Variants in CFAP77 observed in about 807,000 individuals in gnomAD.
CFAP77 encodes the protein cilia and flagella associated protein 77, also known as cilia- and flagella-associated protein 77.
In CFAP77, 25 loss-of-function variants were observed where a neutral mutation model predicts 31.1. That is an observed-to-expected ratio of 0.80 (90% CI 0.59 to 1.12). CFAP77 has a LOEUF of 1.12. CFAP77 is among the 50% of genes most tolerant of loss of function. CFAP77 has a pLI of 0.00. For synonymous variants in CFAP77, 151 were observed against 159.9 expected (o/e 0.94, Z 0.42); for missense variants, 377 against 397.3 (o/e 0.95, Z 0.44).
intron 1 of CFAP77, among the ~76,000 whole-genome samples, chr9:132,488,555 G>A (rs1033020080): frequency 2.6e-5 from 4 of 152,224 alleles, no homozygotes; most frequent in Non-Finnish European, 5.9e-5. Flanking sequence ...TCGTTTTGAA[G>A]AAGTTGTGCC....
Position 132,491,962 on chromosome 9 carries a change from G to C in CFAP77, c.196-6733G>C, listed in dbSNP as rs1384028906. Among the ~76,000 whole-genome samples, 7 of 152,292 alleles carry C rather than the reference G, an allele frequency of 4.6e-5. 1 individual carries two copies. The highest frequency in any genetic ancestry group is 4.6e-4 in the Admixed American group (7 of 15,296). ...TACTGTTATGTTTTCTGAAGTGATA[G>C]CTCTTCCCATAAATCTCAGTCTATA... On this transcript the variant is annotated intron_variant, in intron 1 of 5. Transcript: ENST00000393216.
At chr9:132,449,701 C>A (rs1014889299) in intron 1 of CFAP77, among the ~76,000 whole-genome samples, 70 of 152,148 alleles carry the variant, frequency 4.6e-4, no homozygotes, top group African/African-American at 1.5e-3. Context: ...TACCCAGGAA[C>A]GGGATTGTGG....
In CFAP77 at chr9:132,517,919, G is replaced by C. The variant is rs145538206; in HGVS notation, c.524+18319G>C. 3.9e-5 allele frequency among the ~76,000 whole-genome samples: 6 copies of C among 152,340 alleles called. No homozygotes were observed. Among genetic ancestry groups the C allele is most frequent in the African/African-American group, 1.4e-4 (6 of 41,578 alleles). Reference sequence around the variant, plus strand: ...GGAACTAATTTGAAGTTTCTGGGAGGCCTATCCCAAGTAGGAGCTGATTTC... The same window carrying C: ...GGAACTAATTTGAAGTTTCTGGGAGCCCTATCCCAAGTAGGAGCTGATTTC... On this transcript the variant is annotated intron_variant, in intron 3 of 5. Transcript: ENST00000393216. This position sits in a 1 kb window ranked among gnomAD's most constrained non-coding sequence, Gnocchi z 4.7.
At chr9:132,415,570 A>G (rs576274123) in intron 1 of CFAP77, among the ~76,000 whole-genome samples, 1 of 152,288 alleles carries the variant, frequency 6.6e-6, no homozygotes, top group South Asian at 2.1e-4. Flanking sequence ...GCACTTTCCT[A>G]TTACGTGGCT....
intron 1 of CFAP77, among the ~76,000 whole-genome samples, chr9:132,414,537 A>G (rs1385442893): frequency 1.4e-5 from 2 of 146,490 alleles, no homozygotes; most frequent in South Asian, 2.2e-4. Context: ...ACACACACAC[A>G]CACGCAGGTA....
rs113261914 is a variant in CFAP77 at position 132,415,372 on chromosome 9, C to T, written c.195+4906C>T. Among the ~76,000 whole-genome samples, 825 of 152,272 alleles carry T rather than the reference C, an allele frequency of 5.4e-3. 9 individuals carry two copies. Among genetic ancestry groups the T allele is most frequent in the African/African-American group, 0.019 (775 of 41,546 alleles). ...GGCTGAGGCAGGAAACTAACCCCCC[C>T]GCCCAGCTCCGTGGCCATTTCAGAA... On this transcript the variant is annotated intron_variant, in intron 1 of 5. Transcript: ENST00000393216.
chr9:132,512,302 T>C (rs753728422), intron 3 of CFAP77, among the ~76,000 whole-genome samples: 56 of 152,252 alleles, frequency 3.7e-4, no homozygotes, highest in Non-Finnish European at 6.6e-4. Flanking sequence ...TATTTATCAT[T>C]GGGTTTAGGG....
intron 3 of CFAP77, among the ~76,000 whole-genome samples, chr9:132,507,119 C>T (rs1851943446): frequency 6.6e-6 from 1 of 152,228 alleles, no homozygotes. Context: ...CCTTCCCTTT[C>T]ACATTCAGCG....
chr9:132,461,999 C>T (rs1346617478), intron 1 of CFAP77, among the ~76,000 whole-genome samples: 3 of 152,224 alleles, frequency 2.0e-5, no homozygotes, highest in Non-Finnish European at 4.4e-5. Flanking sequence ...GTCCCTTGCA[C>T]ACGGCAGGCA....
chr9:132,513,415 C>T (rs1330907830), intron 3 of CFAP77: 8 of 1,486,350 alleles, frequency 5.4e-6, no homozygotes, highest in African/African-American at 1.4e-5. Context: ...AATCTGAGGC[C>T]CCTGTGCACA....
In CFAP77 at chr9:132,498,627, G is replaced by C; in HGVS notation, c.196-68G>C. The C allele has an allele frequency of 8.0e-7, 1 of 1,248,888 alleles. No individual in the cohort carries two copies. Among genetic ancestry groups the C allele is most frequent in the Non-Finnish European group, 1.1e-6 (1 of 872,474 alleles). The allele number at this position is 1,248,888 out of a possible 1,614,324, so 77.4% of individuals were successfully genotyped here. On this transcript the variant is annotated intron_variant, in intron 1 of 5. Transcript: ENST00000393216. This position sits in a 1 kb window ranked among gnomAD's most constrained non-coding sequence, Gnocchi z 4.2. ...TGCAGGCATCTGGTGCCTCCCTGCTGCCGGATTACAATACATTTGGTCTGA... is the reference window on the plus strand; with the variant it reads ...TGCAGGCATCTGGTGCCTCCCTGCTCCCGGATTACAATACATTTGGTCTGA...
At chr9:132,420,514 T>A (rs1474352056) in intron 1 of CFAP77, among the ~76,000 whole-genome samples, 3 of 146,672 alleles carry the variant, frequency 2.0e-5, no homozygotes, top group African/African-American at 7.7e-5. Context: ...AAAAAAAAAA[T>A]TCTGGGCATG....
chr9:132,548,660 C>G (rs1852773424), intron 5 of CFAP77, among the ~76,000 whole-genome samples: 1 of 151,512 alleles, frequency 6.6e-6, no homozygotes, highest in Non-Finnish European at 1.5e-5. Context: ...GGGGGCTTGC[C>G]CAAGCATCTG....
intron 5 of CFAP77, among the ~76,000 whole-genome samples, chr9:132,553,368 G>A (rs1387977391): frequency 6.6e-6 from 1 of 152,190 alleles, no homozygotes; most frequent in East Asian, 1.9e-4. Flanking sequence ...TTGCGAGGCT[G>A]AGGTGGGAGG....
chr9:132,457,998 C>T (rs1438706681), intron 1 of CFAP77, among the ~76,000 whole-genome samples: 1 of 152,216 alleles, frequency 6.6e-6, no homozygotes, highest in East Asian at 1.9e-4. Flanking sequence ...CAGCCCCGAT[C>T]CCTTATTTCC....
chr9:132,560,670 T>C (rs1033546490), intron 5 of CFAP77, among the ~76,000 whole-genome samples: 4 of 152,304 alleles, frequency 2.6e-5, no homozygotes, highest in African/African-American at 4.8e-5. Context: ...TGCATTCCAG[T>C]TGGGGCTCTG....
chr9:132,522,943 C>A (rs1013691450), intron 3 of CFAP77, among the ~76,000 whole-genome samples: 1 of 152,196 alleles, frequency 6.6e-6, no homozygotes, highest in Non-Finnish European at 1.5e-5. Flanking sequence ...CTTTTCTTTC[C>A]TTTTTTTCCT....
At chr9:132,468,171 C>T (rs186397418) in intron 1 of CFAP77, among the ~76,000 whole-genome samples, 239 of 152,142 alleles carry the variant, frequency 1.6e-3, no homozygotes, top group African/African-American at 5.5e-3. Flanking sequence ...GGCGAAACCC[C>T]GTATCTACTA....
chr9:132,440,266 G>A (rs778085636), intron 1 of CFAP77, among the ~76,000 whole-genome samples: 5 of 152,094 alleles, frequency 3.3e-5, no homozygotes, highest in Non-Finnish European at 5.9e-5. Context: ...GAACCCAGGA[G>A]GACGCGGCTA....
Sources: allele counts gnomAD v4.1 joint callset (sites outside exome capture counted in the v4.1 genomes callset), GRCh38; gene constraint gnomAD v4.1.1; non-coding constraint Gnocchi (gnomAD v3.1); transcripts MANE v1.5; gene names NCBI Gene and HGNC (gene_info 2026-07-23, HGNC 2026-07-21).